ELL2: variants seen among roughly 807,000 people sequenced by gnomAD.
ELL2 encodes elongation factor for RNA polymerase II 2.
In ELL2, 21 loss-of-function variants were observed where a neutral mutation model predicts 72.8. The observed-to-expected ratio is 0.29, with a 90% CI of 0.20 to 0.42. The LOEUF (loss-of-function observed/expected upper bound fraction) is 0.42. Ranked by LOEUF, ELL2 falls within the 10% of genes least tolerant of loss-of-function variation. The pLI is 1.00. For synonymous variants in ELL2, 266 were observed against 283.2 expected (o/e 0.94, Z 0.61); for missense variants, 568 against 772.8 (o/e 0.73, Z 3.14).
At chr5:95,954,954 T>A (rs1751577429) in intron 1 of ELL2, among the ~76,000 whole-genome samples, 1 of 152,216 alleles carries the variant, frequency 6.6e-6, no homozygotes, top group Admixed American at 6.5e-5. Context: ...GTTTACAGAA[T>A]AAAATCCAAA....
chr5:95,921,269 A>G (rs2112313424), intron 2 of ELL2, among the ~76,000 whole-genome samples: 1 of 152,364 alleles, frequency 6.6e-6, no homozygotes, highest in Middle Eastern at 3.4e-3. Flanking sequence ...GGAGATTCAG[A>G]TGACTTGTAT....
At chr5:95,916,624 GT>G (rs1749813014) in intron 3 of ELL2, among the ~76,000 whole-genome samples, 1 of 152,182 alleles carries the variant, frequency 6.6e-6, no homozygotes. Flanking sequence ...TGGGGAAGCA[GT>G]TTCAGTGGAA....
At position 95,906,640 on chromosome 5, in the gene ELL2, G is replaced by A. The variant is rs61733079; in HGVS notation, c.624C>T (p.Asp208=). 607 of 1,614,096 alleles carry A rather than the reference G, an allele frequency of 3.8e-4. 1 individual carries two copies. The African/African-American group carries it at 4.1e-3, about 11-fold the overall frequency. ...SSTISQRPYR[D]RVIHLLALKA... is the part of the protein sequence containing the mutation. Reference sequence around the variant, plus strand: ...TCAGGGCCAGTAAGTGAATCACCCTGTCCCTGTATGGCCTCTGAGAGATGG... The same window carrying A: ...TCAGGGCCAGTAAGTGAATCACCCTATCCCTGTATGGCCTCTGAGAGATGG... The change falls in exon 5 of 12, where the codon GAC becomes GAT. Residue 208 remains aspartate, a synonymous_variant. Transcript: ENST00000237853.
At chr5:95,890,688 T>TA (rs1748628490) in intron 10 of ELL2, among the ~76,000 whole-genome samples, 1 of 152,224 alleles carries the variant, frequency 6.6e-6, no homozygotes, top group South Asian at 2.1e-4. Context: ...CCTATGTTTG[T>TA]ATCTTCCCTA....
Position 95,961,773 on chromosome 5 carries a change from C to T in ELL2, c.-52G>A. Reference sequence around the variant, plus strand: ...GCCGCCGCTCCGGCTCTAGCCTCCACTGCGGCCGCGGCTGCTTGGGCTTCT... The same window carrying T: ...GCCGCCGCTCCGGCTCTAGCCTCCATTGCGGCCGCGGCTGCTTGGGCTTCT... On this transcript the variant is annotated 5_prime_UTR_variant, in exon 1 of 12. It adds an upstream start codon to the 5' untranslated region. Transcript: ENST00000237853. 1 of 1,524,806 alleles carries T rather than the reference C, an allele frequency of 6.6e-7. No individual in the cohort carries two copies. The highest frequency in any genetic ancestry group is 8.8e-7 in the Non-Finnish European group (1 of 1,140,838). 94.5% of individuals were successfully genotyped at this position (1,524,806 alleles called of 1,614,324 possible). A position where few individuals can be genotyped will look rare whatever the true frequency, so the allele number is the denominator to read the frequency against.
At position 95,906,713 on chromosome 5, in the gene ELL2, G is replaced by T; in HGVS notation, c.551C>A (p.Thr184Asn). ...AATTGTATTTGCAGGGTTCATGGGGGTTGACCTTTTCCTCTCAGGAACTGT... is the reference window on the plus strand; with the variant it reads ...AATTGTATTTGCAGGGTTCATGGGGTTTGACCTTTTCCTCTCAGGAACTGT... ...SDTVPERKRS[T>N]PMNPANTIRK... The change falls in exon 5 of 12, where the codon ACC becomes AAC. Residue 184 changes from threonine to asparagine, a missense_variant. Thr to Asn is a moderately conservative substitution (Grantham distance 65). Around this residue, in one of 2 missense-constraint regions of ELL2, gnomAD observed 511 missense variants for 728.4 expected, o/e 0.70. Transcript: ENST00000237853. 1.2e-6 allele frequency: 2 copies of T among 1,613,880 alleles called. No homozygotes were observed. Among genetic ancestry groups the T allele is most frequent in the Non-Finnish European group, 1.7e-6 (2 of 1,179,860 alleles).
chr5:95,898,524 C>G lies in ELL2; in HGVS notation c.1241G>C (p.Ser414Thr), dbSNP rs200683081. Reference protein sequence around the residue: ...GRGTQDLPVDSFSQNDSIYED... With the variant: ...GRGTQDLPVDTFSQNDSIYED... ...ATAGATACTATCGTTTTGACTAAAA[C>G]TGTCAACAGGTAGGTCTTGAGTCCC... Residue 414 changes from serine (S) to threonine (T), a missense_variant, in exon 8 of 12, where the codon AGT (serine) becomes ACT (threonine). Coordinates refer to ENST00000237853, the MANE Select transcript of ELL2 (RefSeq NM_012081.6). 1.9e-6 allele frequency: 3 copies of G among 1,614,144 alleles called. No homozygotes were observed. Among genetic ancestry groups the G allele is most frequent in the South Asian group, 1.1e-5 (1 of 91,074 alleles).
At chr5:95,919,941 G>C (rs1749985098) in intron 2 of ELL2, among the ~76,000 whole-genome samples, 1 of 152,100 alleles carries the variant, frequency 6.6e-6, no homozygotes, top group African/African-American at 2.4e-5. Context: ...CTTCTAAATA[G>C]CTTCTATATA....
At chr5:95,909,335 T>C (rs1244510281) in intron 4 of ELL2, among the ~76,000 whole-genome samples, 2 of 152,172 alleles carry the variant, frequency 1.3e-5, no homozygotes, top group Non-Finnish European at 2.9e-5. Flanking sequence ...GGTTAACTCA[T>C]ATTTCATTCA....
At position 95,891,036 on chromosome 5, in the gene ELL2, G is replaced by A. The variant is rs753637604; in HGVS notation, c.1761+67C>T. The A allele has an allele frequency of 3.9e-5, 62 of 1,599,916 alleles. No individual in the cohort carries two copies. In the South Asian group the frequency reaches 6.1e-4, roughly 16 times the overall value. On this transcript the variant is annotated intron_variant, in intron 10 of 11. Coordinates refer to ENST00000237853, the MANE Select transcript of ELL2 (RefSeq NM_012081.6). ...AAAGGCCACTGTGATGGCTGAGGTT[G>A]AGCAGGGCAGGGAAAGAAAGAAGGT...
chr5:95,887,786 C>T lies in ELL2; in HGVS notation c.*1085G>A, dbSNP rs1246123609. On this transcript the variant is annotated 3_prime_UTR_variant, in exon 12 of 12. Coordinates refer to ENST00000237853, the MANE Select transcript of ELL2 (RefSeq NM_012081.6). Reference sequence around the variant, plus strand: ...GGTAATAGCTTCTTTGCATATCTCTCTTCAAAAAATACTTTATAGCAGTAT... The same window carrying T: ...GGTAATAGCTTCTTTGCATATCTCTTTTCAAAAAATACTTTATAGCAGTAT... 2.6e-5 allele frequency: 4 copies of T among 152,392 alleles called. No individual in the cohort carries two copies. The highest frequency in any genetic ancestry group is 5.9e-5 in the Non-Finnish European group (4 of 68,014). The allele number at this position is 152,392 out of a possible 1,614,324, so 9.4% of individuals were successfully genotyped here.
chr5:95,906,810 A>G (rs1749380839), intron 4 of ELL2, 28 bp from the exon 5 acceptor site: 1 of 1,586,682 alleles, frequency 6.3e-7, no homozygotes, highest in Non-Finnish European at 8.6e-7. Context: ...TGACATTGTT[A>G]CACATTTGTG....
intron 5 of ELL2, 71 bp from the exon 6 acceptor site, chr5:95,901,151 T>C: frequency 6.7e-7 from 1 of 1,485,482 alleles, no homozygotes; most frequent in Non-Finnish European, 9.0e-7. Context: ...CAGGCAACCT[T>C]TAGGATTTAC....
intron 9 of ELL2, among the ~76,000 whole-genome samples, chr5:95,892,439 G>A (rs575730888): frequency 2.6e-5 from 4 of 152,296 alleles, no homozygotes; most frequent in East Asian, 1.9e-4. Context: ...GAGCCACTGC[G>A]CCTGGCCTAT....
chr5:95,929,322 G>A (rs539549973), intron 2 of ELL2, among the ~76,000 whole-genome samples: 3 of 150,478 alleles, frequency 2.0e-5, no homozygotes, highest in Admixed American at 6.6e-5. Flanking sequence ...GCAGCGGCTC[G>A]ATCTTGGCTC....
At chr5:95,954,657 G>T (rs1376221904) in intron 1 of ELL2, among the ~76,000 whole-genome samples, 1 of 142,974 alleles carries the variant, frequency 7.0e-6, no homozygotes, top group African/African-American at 2.6e-5. Flanking sequence ...AGCCAGGATG[G>T]TCTCGATTTC....
intron 1 of ELL2, among the ~76,000 whole-genome samples, chr5:95,947,172 A>C (rs1040260529): frequency 1.7e-4 from 26 of 152,156 alleles, no homozygotes; most frequent in African/African-American, 6.0e-4. Context: ...AGGCATATGT[A>C]ACTTACAAGT....
At chr5:95,948,497 G>A (rs2112354505) in intron 1 of ELL2, among the ~76,000 whole-genome samples, 1 of 143,080 alleles carries the variant, frequency 7.0e-6, no homozygotes, top group African/African-American at 2.6e-5. Flanking sequence ...TTTTGTATCT[G>A]ATCACTCACT....
rs954976765 is a variant in ELL2, at chr5:95,937,655, A to G, written c.195+5347T>C. ...TAATTCAGCAAAAATATTAGATGAT[A>G]TCTATGCATGTTAACCACTGTAATA... On this transcript the variant is annotated intron_variant, in intron 2 of 11. Coordinates refer to ENST00000237853, the MANE Select transcript of ELL2 (RefSeq NM_012081.6). Among the ~76,000 whole-genome samples the G allele has an allele frequency of 9.8e-5, 15 of 152,306 alleles. No homozygotes were observed. In the East Asian group the frequency reaches 2.3e-3, roughly 23 times the overall value.
Sources: gnomAD v4.1 joint callset for allele counts (sites outside exome capture counted in the v4.1 genomes callset) on GRCh38, gnomAD v4.1.1 for gene constraint, gnomAD v4.1.1 regional missense constraint, MANE v1.5 for transcripts, NCBI Gene and HGNC (gene_info 2026-07-23, HGNC 2026-07-21) for gene names.